Variants in CCDC7 observed in about 807,000 individuals in gnomAD.
CCDC7 encodes the protein coiled-coil domain-containing protein 7.
Under a neutral mutation model 196.9 loss-of-function variants are expected in CCDC7, and 183 were observed. The ratio of observed to expected loss-of-function variants is 0.93; its 90% confidence interval spans 0.82 to 1.05. The LOEUF is 1.05. CCDC7 is among the 50% of genes least tolerant of loss of function. The pLI is 0.00. For missense variants in CCDC7, 1,540 were observed against 1,482.2 expected, an observed-to-expected ratio of 1.04 and a Z score of -0.64; for synonymous variants, 525 against 484.6, an observed-to-expected ratio of 1.08 and a Z score of -1.10.
intron 32 of CCDC7, among the ~76,000 whole-genome samples, chr10:32,828,491 A>G (rs56263707): frequency 0.021 from 1,331 of 62,154 alleles, 19 homozygotes; most frequent in East Asian, 0.051. Context: ...AAGAGGAAGA[A>G]GAAGAAGAAG....
chr10:32,485,514 A>T (rs1369510968), intron 8 of CCDC7, among the ~76,000 whole-genome samples: 7 of 151,948 alleles, frequency 4.6e-5, no homozygotes, highest in Non-Finnish European at 1.0e-4. Context: ...CTCTGATCTT[A>T]GTTATTTCTT....
At chr10:32,446,984 T>C (rs2031450516), upstream of CCDC7, among the ~76,000 whole-genome samples, 2 of 112,378 alleles carry the variant, frequency 1.8e-5, no homozygotes, top group South Asian at 3.2e-4. Context: ...CCTCACACTT[T>C]TTTGGGGAGA....
At chr10:32,566,838 G>A (rs945266168) in intron 14 of CCDC7, among the ~76,000 whole-genome samples, 2 of 148,484 alleles carry the variant, frequency 1.3e-5, no homozygotes, top group African/African-American at 5.0e-5. Flanking sequence ...CTTAAGCCCA[G>A]GAGACTAGAG....
chr10:32,727,167 T>C (rs2083253846), intron 26 of CCDC7, among the ~76,000 whole-genome samples: 1 of 152,110 alleles, frequency 6.6e-6, no homozygotes, highest in African/African-American at 2.4e-5. Context: ...TTACCACGTG[T>C]AGCGATGTTG....
chr10:32,823,882 G>T (rs147947589), intron 31 of CCDC7, among the ~76,000 whole-genome samples: 1 of 152,076 alleles, frequency 6.6e-6, no homozygotes, highest in South Asian at 2.1e-4. Flanking sequence ...TGTAAAGTCC[G>T]CCTGCTAAAA....
intron 18 of CCDC7, among the ~76,000 whole-genome samples, chr10:32,588,149 G>A (rs901681950): frequency 5.9e-5 from 9 of 152,144 alleles, no homozygotes; most frequent in African/African-American, 1.2e-4. Context: ...GCACTCCTCC[G>A]ATGTGGCTCC....
chr10:32,690,583 G>A (rs1565153777), intron 23 of CCDC7, among the ~76,000 whole-genome samples: 1 of 152,164 alleles, frequency 6.6e-6, no homozygotes, highest in Non-Finnish European at 1.5e-5. Context: ...CTGAGGGTGT[G>A]TACAAGATCT....
chr10:32,629,117 T>TACAATAC (rs1455807459), intron 18 of CCDC7, among the ~76,000 whole-genome samples: 1 of 152,158 alleles, frequency 6.6e-6, no homozygotes, highest in Admixed American at 6.6e-5. Flanking sequence ...CCACTATTAT[T>TACAATAC]GTATTACAGT....
intron 33 of CCDC7, among the ~76,000 whole-genome samples, chr10:32,841,050 T>A (rs2092940419): frequency 6.6e-6 from 1 of 151,976 alleles, no homozygotes; most frequent in Non-Finnish European, 1.5e-5. Context: ...AACATTACAC[T>A]GAACGGGTTT....
intron 33 of CCDC7, among the ~76,000 whole-genome samples, chr10:32,840,693 A>C (rs372555705): frequency 2.6e-5 from 4 of 152,034 alleles, no homozygotes; most frequent in African/African-American, 9.7e-5. Flanking sequence ...AGGGAAGGAC[A>C]TAACAAAAAA....
At chr10:32,802,727 G>C (rs2085052586) in intron 29 of CCDC7, among the ~76,000 whole-genome samples, 1 of 152,200 alleles carries the variant, frequency 6.6e-6, no homozygotes, top group African/African-American at 2.4e-5. Flanking sequence ...CAGAAGGCCT[G>C]AGAGCCCCTG....
At chr10:32,604,269 G>A (rs2061358327) in intron 18 of CCDC7, among the ~76,000 whole-genome samples, 1 of 151,970 alleles carries the variant, frequency 6.6e-6, no homozygotes, top group African/African-American at 2.4e-5. Context: ...TTACTTCTGG[G>A]TTCTCTATTC....
chr10:32,598,334 A>G (rs1038358291), intron 18 of CCDC7, among the ~76,000 whole-genome samples: 11 of 152,156 alleles, frequency 7.2e-5, no homozygotes, highest in African/African-American at 2.4e-4. Flanking sequence ...CTGGTATGCC[A>G]TTTGCTAAGG....
At chr10:32,879,056 A>AT (rs56912773), downstream of CCDC7, among the ~76,000 whole-genome samples, 13,684 of 151,034 alleles carry the variant, frequency 0.091, 866 homozygotes, top group East Asian at 0.33. Flanking sequence ...ACTATCTCTA[A>AT]TTTTTTTTTT....
chr10:32,831,575 AGCT>A (rs958828335), intron 32 of CCDC7, among the ~76,000 whole-genome samples: 3 of 152,116 alleles, frequency 2.0e-5, no homozygotes, highest in African/African-American at 7.2e-5. Flanking sequence ...TTATTCAATA[AGCT>A]GCTTTCTATT....
intron 29 of CCDC7, among the ~76,000 whole-genome samples, chr10:32,793,327 G>C (rs2083020944): frequency 6.6e-6 from 1 of 152,176 alleles, no homozygotes; most frequent in Non-Finnish European, 1.5e-5. Context: ...TAGCCAAGCA[G>C]TTGGCTGTGG....
At chr10:32,829,087 C>T (rs1186668512) in intron 32 of CCDC7, among the ~76,000 whole-genome samples, 1 of 152,284 alleles carries the variant, frequency 6.6e-6, no homozygotes. Flanking sequence ...ATTCAGTCTA[C>T]TACTCCACAG....
chr10:32,822,461 A>C (rs1282055348), intron 31 of CCDC7, among the ~76,000 whole-genome samples: 1 of 152,180 alleles, frequency 6.6e-6, no homozygotes, highest in Non-Finnish European at 1.5e-5. Flanking sequence ...AAGTGTGTTC[A>C]TGTAACAAAT....
chr10:32,758,079 A>C (rs999883420), intron 28 of CCDC7, among the ~76,000 whole-genome samples: 5 of 152,206 alleles, frequency 3.3e-5, no homozygotes, highest in African/African-American at 1.2e-4. Flanking sequence ...ATAGACCAGT[A>C]ACAGGCTCTG....
Sources: gnomAD v4.1 joint callset for allele counts (sites outside exome capture counted in the v4.1 genomes callset) on GRCh38, gnomAD v4.1.1 for gene constraint, MANE v1.5 for transcripts, NCBI Gene and HGNC (gene_info 2026-07-23, HGNC 2026-07-21) for gene names.